Variants in SETBP1 observed in about 807,000 individuals in gnomAD.
SETBP1 encodes the protein SET-binding protein.
SETBP1 carries 9 observed loss-of-function variants against 101.0 expected under a neutral mutation model. The observed-to-expected ratio is 0.09, with a 90% CI of 0.05 to 0.16. The LOEUF (loss-of-function observed/expected upper bound fraction) is 0.16. Ranked by LOEUF, SETBP1 falls within the 10% of genes least tolerant of loss-of-function variation. SETBP1 has a pLI of 1.00. For synonymous variants in SETBP1, 818 were observed against 788.5 expected (o/e 1.04, Z -0.63); for missense variants, 1,858 against 2,033.8 (o/e 0.91, Z 1.66).
intron 2 of SETBP1, among the ~76,000 whole-genome samples, chr18:44,787,860 C>CAAAAAAAAAAAAAAAA (rs11399627): frequency 0.037 from 341 of 9,122 alleles, 66 homozygotes; most frequent in Non-Finnish European, 0.052. Flanking sequence ...GAGTCCGTCT[C>CAAAAAAAAAAAAAAAA]AAAAAAAAAA....
chr18:44,794,480 A>G (rs2071433018), intron 2 of SETBP1, among the ~76,000 whole-genome samples: 1 of 152,062 alleles, frequency 6.6e-6, no homozygotes, highest in Non-Finnish European at 1.5e-5. Flanking sequence ...AACTTGGGAG[A>G]TTACTGGAGG....
chr18:45,022,264 C>A (rs1388593537), intron 4 of SETBP1, among the ~76,000 whole-genome samples: 1 of 152,194 alleles, frequency 6.6e-6, no homozygotes, highest in Non-Finnish European at 1.5e-5. Flanking sequence ...TTATATTTCA[C>A]CTGGCCACCC....
intron 3 of SETBP1, among the ~76,000 whole-genome samples, chr18:44,908,019 C>G (rs1464142065): frequency 2.0e-5 from 3 of 151,958 alleles, no homozygotes; most frequent in Admixed American, 6.6e-5. Flanking sequence ...TTGTAGAAAG[C>G]AGGGCTCCAG....
chr18:44,802,181 C>T (rs191882381), intron 2 of SETBP1, among the ~76,000 whole-genome samples: 1 of 152,262 alleles, frequency 6.6e-6, no homozygotes, highest in Admixed American at 6.5e-5. Flanking sequence ...GTCACTGGCC[C>T]TGAATCTTTT....
intron 3 of SETBP1, among the ~76,000 whole-genome samples, chr18:44,918,488 C>T (rs957619198): frequency 6.6e-5 from 10 of 152,194 alleles, no homozygotes; most frequent in African/African-American, 2.4e-4. Context: ...ACTAACAAGC[C>T]ATTGGACTAT....
At chr18:45,017,226 C>T (rs750898660) in intron 4 of SETBP1, among the ~76,000 whole-genome samples, 3 of 152,134 alleles carry the variant, frequency 2.0e-5, no homozygotes, top group Non-Finnish European at 2.9e-5. Context: ...CCCAGGTGGT[C>T]TGGGCACGAC....
chr18:44,796,115 C>T (rs1019852316), intron 2 of SETBP1, among the ~76,000 whole-genome samples: 2 of 152,110 alleles, frequency 1.3e-5, no homozygotes, highest in South Asian at 2.1e-4. Context: ...AAACTGATCC[C>T]GAATTAAGAC....
intron 2 of SETBP1, among the ~76,000 whole-genome samples, chr18:44,753,340 A>G (rs2852777): frequency 2.0e-5 from 3 of 152,208 alleles, no homozygotes; most frequent in African/African-American, 4.8e-5. Context: ...GGAGGCTGGC[A>G]TGAGAATACT....
rs573170982 is a variant in SETBP1, at chr18:44,690,367, T to C, written c.-173+9346T>C. On this transcript the variant is annotated intron_variant, in intron 1 of 5. Transcript: ENST00000649279. ...CAAACATATACGTGCCAGATTACACTTTATGTTCAAATGACAATGAACAAA... is the reference window on the plus strand; with the variant it reads ...CAAACATATACGTGCCAGATTACACCTTATGTTCAAATGACAATGAACAAA... 3.9e-5 allele frequency among the ~76,000 whole-genome samples: 6 copies of C among 152,370 alleles called. No homozygotes were observed. In the East Asian group the frequency reaches 1.2e-3, roughly 29 times the overall value.
rs116700392 is a variant in SETBP1 at position 44,895,961 on chromosome 18, G to C, written c.540+26678G>C. 1.7e-3 allele frequency among the ~76,000 whole-genome samples: 262 copies of C among 152,128 alleles called. 1 individual carries two copies. Among genetic ancestry groups the C allele is most frequent in the African/African-American group, 6.1e-3 (254 of 41,536 alleles). On this transcript the variant is annotated intron_variant, in intron 3 of 5. Coordinates refer to ENST00000649279, the MANE Select transcript of SETBP1 (RefSeq NM_015559.3). Reference sequence around the variant, plus strand: ...AAGTAAAAATCATTTCCCCATGCCCGCATGCTCACCCCACCCTCCTTACAC... The same window carrying C: ...AAGTAAAAATCATTTCCCCATGCCCCCATGCTCACCCCACCCTCCTTACAC...
chr18:44,929,314 A>C (rs1423299345), intron 3 of SETBP1, among the ~76,000 whole-genome samples: 1 of 152,194 alleles, frequency 6.6e-6, no homozygotes, highest in East Asian at 1.9e-4. Flanking sequence ...TGGTAGCAGT[A>C]CCATGCTGTT....
chr18:44,839,008 A>G (rs147187331), intron 2 of SETBP1, among the ~76,000 whole-genome samples: 2 of 152,088 alleles, frequency 1.3e-5, no homozygotes, highest in African/African-American at 4.8e-5. Flanking sequence ...TACACACTCA[A>G]CTGTCGGTTT....
At chr18:44,765,235 G>A (rs2070740965) in intron 2 of SETBP1, among the ~76,000 whole-genome samples, 1 of 151,848 alleles carries the variant, frequency 6.6e-6, no homozygotes, top group Non-Finnish European at 1.5e-5. Flanking sequence ...CAATTGAGTA[G>A]GTAGATGTAC....
intron 2 of SETBP1, among the ~76,000 whole-genome samples, chr18:44,778,725 G>T (rs2071059375): frequency 6.6e-6 from 1 of 152,214 alleles, no homozygotes; most frequent in Admixed American, 6.5e-5. Flanking sequence ...TTTCAGCCTA[G>T]CTCAGAGGAG....
intron 2 of SETBP1, among the ~76,000 whole-genome samples, chr18:44,780,372 C>T (rs980489175): frequency 6.6e-6 from 1 of 152,190 alleles, no homozygotes; most frequent in Non-Finnish European, 1.5e-5. Flanking sequence ...TTCTGTATCT[C>T]TTTCATCCCT....
At chr18:44,943,299 G>T (rs571301653) in intron 3 of SETBP1, among the ~76,000 whole-genome samples, 4 of 152,312 alleles carry the variant, frequency 2.6e-5, no homozygotes, top group South Asian at 4.1e-4. Flanking sequence ...TCTGTTGGGG[G>T]TTTAGGGGTT....
At chr18:44,835,803 A>G (rs1464794610) in intron 2 of SETBP1, among the ~76,000 whole-genome samples, 1 of 152,248 alleles carries the variant, frequency 6.6e-6, no homozygotes, top group Non-Finnish European at 1.5e-5. Flanking sequence ...CTCTGTACCT[A>G]GGAATGAATT....
At chr18:45,000,073 C>T (rs1198423720) in intron 4 of SETBP1, among the ~76,000 whole-genome samples, 2 of 152,234 alleles carry the variant, frequency 1.3e-5, no homozygotes, top group Non-Finnish European at 2.9e-5. Flanking sequence ...ACCAGCCTGT[C>T]CTAGTAGCAG....
At chr18:44,981,211 G>A (rs1265756502) in intron 4 of SETBP1, among the ~76,000 whole-genome samples, 2 of 152,158 alleles carry the variant, frequency 1.3e-5, no homozygotes, top group Non-Finnish European at 2.9e-5. Context: ...CTGAGGCAGA[G>A]GCCCAAAACT....
Sources: allele counts gnomAD v4.1 joint callset (sites outside exome capture counted in the v4.1 genomes callset), GRCh38; gene constraint gnomAD v4.1.1; transcripts MANE v1.5; gene names NCBI Gene and HGNC (gene_info 2026-07-23, HGNC 2026-07-21).